SLC35F4: variants seen among roughly 807,000 people sequenced by gnomAD.
The protein encoded by SLC35F4 is chromosome 14 open reading frame 36.
In SLC35F4, 24 loss-of-function variants were observed where a neutral mutation model predicts 44.2. The observed-to-expected ratio is 0.54, with a 90% CI of 0.39 to 0.76. SLC35F4 has a LOEUF of 0.76. SLC35F4 is among the 30% of genes least tolerant of loss of function. The pLI, the probability that SLC35F4 is intolerant of heterozygous loss-of-function variation, is 0.00. For missense variants in SLC35F4, 562 were observed against 586.1 expected, an observed-to-expected ratio of 0.96 and a Z score of 0.42; for synonymous variants, 238 against 223.6, an observed-to-expected ratio of 1.06 and a Z score of -0.57.
At chr14:57,884,293 C>A (rs1888601133) in intron 1 of SLC35F4, among the ~76,000 whole-genome samples, 1 of 152,092 alleles carries the variant, frequency 6.6e-6, no homozygotes, top group Non-Finnish European at 1.5e-5. Flanking sequence ...TAAGTAATCA[C>A]CTTTAATTTA....
chr14:57,860,817 T>C (rs1447672497), intron 1 of SLC35F4, among the ~76,000 whole-genome samples: 1 of 152,230 alleles, frequency 6.6e-6, no homozygotes, highest in Non-Finnish European at 1.5e-5. Context: ...CTCTAATTCA[T>C]GGACCCTACC....
At chr14:57,746,845 C>T (rs943377055) in intron 1 of SLC35F4, among the ~76,000 whole-genome samples, 10 of 152,112 alleles carry the variant, frequency 6.6e-5, no homozygotes, top group East Asian at 1.9e-4. Context: ...GTTTTTTAAA[C>T]GACAGAATGG....
At chr14:57,966,410 G>A (rs528417238) in intron 1 of SLC35F4, among the ~76,000 whole-genome samples, 1 of 152,172 alleles carries the variant, frequency 6.6e-6, no homozygotes, top group East Asian at 1.9e-4. Flanking sequence ...TAATTCATTA[G>A]TGGAGCTATT....
chr14:57,947,505 A>G (rs896667205), intron 1 of SLC35F4, among the ~76,000 whole-genome samples: 15 of 152,058 alleles, frequency 9.9e-5, no homozygotes, highest in African/African-American at 3.4e-4. Context: ...CTTTTTACCA[A>G]TTTGGATGCC....
At chr14:57,780,453 GAA>G (rs2077589661) in intron 1 of SLC35F4, among the ~76,000 whole-genome samples, 1 of 152,014 alleles carries the variant, frequency 6.6e-6, no homozygotes, top group Non-Finnish European at 1.5e-5. Flanking sequence ...CAAACAAATG[GAA>G]AAACATTTCA....
At chr14:57,691,964 AGT>A (rs2075246270) in intron 1 of SLC35F4, among the ~76,000 whole-genome samples, 1 of 152,168 alleles carries the variant, frequency 6.6e-6, no homozygotes, top group Non-Finnish European at 1.5e-5. Flanking sequence ...GGAACACGAT[AGT>A]GTGTGTCCAG....
At chr14:57,768,550 A>G (rs2140665358) in intron 1 of SLC35F4, among the ~76,000 whole-genome samples, 1 of 152,368 alleles carries the variant, frequency 6.6e-6, no homozygotes, top group African/African-American at 2.4e-5. Context: ...CCAAGCCTCC[A>G]TGAACCGCTC....
At chr14:57,939,592 C>G (rs915060120) in intron 1 of SLC35F4, among the ~76,000 whole-genome samples, 5 of 152,082 alleles carry the variant, frequency 3.3e-5, no homozygotes, top group Non-Finnish European at 5.9e-5. Flanking sequence ...AATCTCAGAG[C>G]GAGGAAGGGT....
chr14:57,697,160 T>C (rs146580971), intron 1 of SLC35F4, among the ~76,000 whole-genome samples: 1 of 152,286 alleles, frequency 6.6e-6, no homozygotes, highest in East Asian at 1.9e-4. Flanking sequence ...TTTTGATATG[T>C]TGTATTTTTA....
intron 1 of SLC35F4, among the ~76,000 whole-genome samples, chr14:57,682,862 T>A (rs991344124): frequency 5.9e-5 from 9 of 152,072 alleles, no homozygotes; most frequent in Non-Finnish European, 1.2e-4. Flanking sequence ...AATAATAATA[T>A]CTATTAAATT....
chr14:57,932,723 C>T (rs978231247), intron 1 of SLC35F4, among the ~76,000 whole-genome samples: 1 of 152,088 alleles, frequency 6.6e-6, no homozygotes, highest in Admixed American at 6.6e-5. Context: ...GTGGCAGGCT[C>T]CTGTAATCCC....
intron 1 of SLC35F4, among the ~76,000 whole-genome samples, chr14:57,892,856 A>G (rs1369457736): frequency 6.6e-6 from 1 of 152,174 alleles, no homozygotes; most frequent in East Asian, 1.9e-4. Flanking sequence ...CTCTCTGTGC[A>G]TTCTTCTAAG....
At chr14:57,642,672 G>C (rs2073305986) in intron 1 of SLC35F4, among the ~76,000 whole-genome samples, 1 of 151,754 alleles carries the variant, frequency 6.6e-6, no homozygotes, top group Admixed American at 6.6e-5. Context: ...TGTCTAAAAT[G>C]TATAATTTTT....
intron 1 of SLC35F4, among the ~76,000 whole-genome samples, chr14:57,770,689 G>A (rs1240775373): frequency 6.6e-6 from 1 of 152,112 alleles, no homozygotes; most frequent in Non-Finnish European, 1.5e-5. Flanking sequence ...GCATATTTGT[G>A]ATTTGCAAGG....
Position 57,727,083 on chromosome 14 carries a change from T to C in SLC35F4, c.104-132959A>G, listed in dbSNP as rs555568604. ...CTTGCAGATGGCCTATTGTGGGACC[T>C]TGTGATCGTGTGAGTTAATACTTAA... On this transcript the variant is annotated intron_variant, in intron 1 of 7. Transcript: ENST00000556826. Among the ~76,000 whole-genome samples, 88 of 151,942 alleles carry C rather than the reference T, an allele frequency of 5.8e-4. No homozygotes were observed. The Middle Eastern group carries it at 0.01, about 18-fold the overall frequency.
chr14:57,572,572 A>G (rs1532377), intron 4 of SLC35F4, among the ~76,000 whole-genome samples: 49,337 of 152,066 alleles, frequency 0.32, 8,209 homozygotes, highest in Admixed American at 0.4. Flanking sequence ...GAGATGTATA[A>G]AGGAGCAAGC....
intron 1 of SLC35F4, among the ~76,000 whole-genome samples, chr14:57,647,780 C>A (rs1412648758): frequency 6.6e-6 from 1 of 152,160 alleles, no homozygotes; most frequent in African/African-American, 2.4e-5. Flanking sequence ...ATCCTTCACA[C>A]CTGATCACCC....
At chr14:57,797,938 C>T (rs1159909563) in intron 1 of SLC35F4, among the ~76,000 whole-genome samples, 1 of 151,822 alleles carries the variant, frequency 6.6e-6, no homozygotes, top group Non-Finnish European at 1.5e-5. Context: ...ATAAAATGTG[C>T]TTGTGCATTT....
intron 1 of SLC35F4, among the ~76,000 whole-genome samples, chr14:57,805,169 G>C (rs7144609): frequency 0.46 from 70,538 of 152,108 alleles, 18,808 homozygotes; most frequent in African/African-American, 0.73. Flanking sequence ...TACACTGTTG[G>C]TGGGAGTGTA....
Sources: allele counts gnomAD v4.1 joint callset (sites outside exome capture counted in the v4.1 genomes callset), GRCh38; gene constraint gnomAD v4.1.1; transcripts MANE v1.5; gene names NCBI Gene and HGNC (gene_info 2026-07-23, HGNC 2026-07-21).